The following PKNOX1 variants were observed in gnomAD, a reference collection of about 807,000 sequenced individuals.
The protein encoded by PKNOX1 is homeobox protein PKNOX1.
Under a neutral mutation model 51.9 loss-of-function variants are expected in PKNOX1, and 15 were observed. That is an observed-to-expected ratio of 0.29 (90% CI 0.19 to 0.45). The LOEUF (loss-of-function observed/expected upper bound fraction) is 0.45. Among genes scored for constraint, PKNOX1 ranks in the 20% least tolerant of loss-of-function variants. PKNOX1 has a pLI of 1.00. For missense variants in PKNOX1, 462 were observed against 547.5 expected (o/e 0.84, Z 1.56); for synonymous variants, 219 against 211.1 (o/e 1.04, Z -0.32).
At position 43,029,946 on chromosome 21, in the gene PKNOX1, C is replaced by T. The variant is rs1395280811; in HGVS notation, c.1156C>T (p.Leu386=). 3.1e-6 allele frequency: 5 copies of T among 1,614,092 alleles called. No individual in the cohort carries two copies. The South Asian group carries it at 5.5e-5, about 18-fold the overall frequency. The change falls in exon 11 of 11, where the codon CTG becomes TTG. Residue 386 remains leucine (L), a synonymous_variant. Transcript: ENST00000291547. ...VNMNVDSLQS[L]SSDGATLAVQ... is the part of the protein sequence containing the mutation. ...CATGAACGTGGACAGCCTTCAGTCTCTGTCCTCGGACGGGGCCACCCTGGC... is the reference window on the plus strand; with the variant it reads ...CATGAACGTGGACAGCCTTCAGTCTTTGTCCTCGGACGGGGCCACCCTGGC...
chr21:43,025,117 C>T (rs1191890234), intron 9 of PKNOX1, among the ~76,000 whole-genome samples, 170 bp downstream of exon 9: 1 of 152,134 alleles, frequency 6.6e-6, no homozygotes, highest in Non-Finnish European at 1.5e-5. Flanking sequence ...GAACTCCTGG[C>T]CTCAAGTGAT....
At chr21:43,001,022 G>T (rs1978729371) in intron 1 of PKNOX1, among the ~76,000 whole-genome samples, 2 of 152,200 alleles carry the variant, frequency 1.3e-5, no homozygotes. Flanking sequence ...GCACTGGGGT[G>T]CAGGGGAGCA....
intron 1 of PKNOX1, 51 bp downstream of exon 1, chr21:42,974,715 G>A: frequency 6.0e-6 from 1 of 166,042 alleles, no homozygotes; most frequent in Non-Finnish European, 1.2e-5. Context: ...TCTCGCCGCC[G>A]CCGTCCCTAT....
intron 9 of PKNOX1, among the ~76,000 whole-genome samples, chr21:43,025,178 C>T (rs1979936995): frequency 6.6e-6 from 1 of 152,204 alleles, no homozygotes; most frequent in Non-Finnish European, 1.5e-5. Flanking sequence ...TGAGTCACTG[C>T]ACCCGACTAA....
At chr21:42,998,315 C>T (rs1239266309) in intron 1 of PKNOX1, among the ~76,000 whole-genome samples, 1 of 152,110 alleles carries the variant, frequency 6.6e-6, no homozygotes, top group Non-Finnish European at 1.5e-5. Flanking sequence ...CATGATTCAA[C>T]TACCTCCCAC....
chr21:42,990,573 G>A (rs555409627), intron 1 of PKNOX1, among the ~76,000 whole-genome samples: 1 of 152,300 alleles, frequency 6.6e-6, no homozygotes, highest in East Asian at 1.9e-4. Context: ...ACTGATCATG[G>A]AACTCTAGGG....
At chr21:42,994,207 A>G (rs1231804000) in intron 1 of PKNOX1, among the ~76,000 whole-genome samples, 1 of 138,422 alleles carries the variant, frequency 7.2e-6, no homozygotes, top group East Asian at 2.2e-4. Context: ...TGCCCAGCTA[A>G]ATTTTTGGAT....
chr21:43,007,833 G>T (rs1386734078), intron 3 of PKNOX1: 1 of 444,776 alleles, frequency 2.2e-6, no homozygotes, highest in South Asian at 2.5e-5. Flanking sequence ...GGAGGCTGAG[G>T]CGGGCGGATC....
chr21:43,019,925 ATTTTTT>A (rs60174298), intron 7 of PKNOX1, among the ~76,000 whole-genome samples: 1 of 85,902 alleles, frequency 1.2e-5, no homozygotes. Context: ...AGGTGCTCTG[ATTTTTT>A]TTTTTTTTTT....
In PKNOX1 at chr21:43,029,912, G is replaced by T. The variant is rs533645525; in HGVS notation, c.1122G>T (p.Thr374=). The T allele has an allele frequency of 1.2e-6, 2 of 1,613,986 alleles. No homozygotes were observed. The highest frequency in any genetic ancestry group is 1.7e-6 in the Non-Finnish European group (2 of 1,179,892). ...MSEGAVVTIT[T]PVNMNVDSLQ... is the part of the protein sequence containing the mutation. ...CAGGAGCTGTTGTCACCATCACCAC[G>T]CCCGTGAACATGAACGTGGACAGCC... is the stretch of plus-strand genomic sequence containing the variant. Residue 374 remains threonine, a synonymous_variant, in exon 11 of 11, where the codon ACG becomes ACT. Coordinates refer to ENST00000291547, the MANE Select transcript of PKNOX1 (RefSeq NM_004571.5).
chr21:43,025,767 CATT>C (rs1210163240), intron 9 of PKNOX1, among the ~76,000 whole-genome samples: 1 of 152,154 alleles, frequency 6.6e-6, no homozygotes, highest in East Asian at 1.9e-4. Flanking sequence ...CAGTTGTAAA[CATT>C]ATTATCTTTA....
At chr21:43,019,420 C>A (rs2605310) in intron 7 of PKNOX1, among the ~76,000 whole-genome samples, 129,480 of 150,088 alleles carry the variant, frequency 0.86, 55,958 homozygotes, top group African/African-American at 0.92. Context: ...AAAAAAAAAA[C>A]ACACATTTTT....
At chr21:43,002,296 A>G (rs1243109769) in intron 1 of PKNOX1, among the ~76,000 whole-genome samples, 1 of 152,146 alleles carries the variant, frequency 6.6e-6, no homozygotes, top group Non-Finnish European at 1.5e-5. Context: ...CAAACTTAAA[A>G]TGTCCCAACA....
chr21:42,976,642 A>G (rs1200049879), intron 1 of PKNOX1, among the ~76,000 whole-genome samples: 1 of 152,252 alleles, frequency 6.6e-6, no homozygotes, highest in Non-Finnish European at 1.5e-5. Flanking sequence ...AATAAATTCC[A>G]TTTCAAGAAA....
chr21:43,030,207 G>T lies in PKNOX1; in HGVS notation c.*106G>T, dbSNP rs866438469. 1.1e-6 allele frequency: 1 copy of T among 872,776 alleles called. No individual in the cohort carries two copies. Among genetic ancestry groups the T allele is most frequent in the Non-Finnish European group, 1.7e-6 (1 of 581,912 alleles). The allele number at this position is 872,776 out of a possible 1,614,324, so 54.1% of individuals were successfully genotyped here. On this transcript the variant is annotated 3_prime_UTR_variant, in exon 11 of 11. Transcript: ENST00000291547. ...TGTAGATATAGAAGAGTGCACTTTT[G>T]TATTTCATAGTAAGCTTAAAGCGCG...
Position 42,994,102 on chromosome 21 carries a change from A to G in PKNOX1, c.-56-10224A>G, listed in dbSNP as rs376263884. 6.1e-5 allele frequency among the ~76,000 whole-genome samples: 8 copies of G among 130,718 alleles called. No individual in the cohort carries two copies. The South Asian group carries it at 1.0e-3, about 17-fold the overall frequency. The allele number at this position is 130,718 out of a possible 152,430, so 85.8% of individuals were successfully genotyped here. A position where few individuals can be genotyped will look rare whatever the true frequency, so the allele number is the denominator to read the frequency against. On this transcript the variant is annotated intron_variant, in intron 1 of 10. Transcript: ENST00000291547. The stretch of plus-strand genomic sequence containing the variant: ...GTCGCCCAGGCTGGAGTACAGTGGT[A>G]TGATCACGGCTCACTGCAGCCTCGA...
chr21:43,019,521 T>C (rs1043680190), intron 7 of PKNOX1, among the ~76,000 whole-genome samples: 3 of 152,220 alleles, frequency 2.0e-5, no homozygotes, highest in South Asian at 2.1e-4. Context: ...TTGAAAATCC[T>C]TTCTACCCAA....
In PKNOX1 at chr21:43,013,020, C is replaced by A. The variant is rs375876883; in HGVS notation, c.352-48C>A. On this transcript the variant is annotated intron_variant, in intron 4 of 10. Coordinates refer to ENST00000291547, the MANE Select transcript of PKNOX1 (RefSeq NM_004571.5). ...TGGTATGTAGGATCATGATAACTTA[C>A]AATAATGCCACCTTTTTCTCTGAAA... The A allele has an allele frequency of 8.5e-4, 1,253 of 1,482,446 alleles. 1 individual carries two copies. The highest frequency in any genetic ancestry group is 1.1e-3 in the Non-Finnish European group (1,217 of 1,088,452). 91.8% of individuals were successfully genotyped at this position (1,482,446 alleles called of 1,614,324 possible).
chr21:43,004,567 C>T (rs1978906904), intron 2 of PKNOX1, 135 bp downstream of exon 2: 5 of 585,704 alleles, frequency 8.5e-6, no homozygotes, highest in Admixed American at 5.8e-5. Context: ...ATTTATTGTA[C>T]ATTCGTGTTC....
Sources: allele counts gnomAD v4.1 joint callset (sites outside exome capture counted in the v4.1 genomes callset), GRCh38; gene constraint gnomAD v4.1.1; transcripts MANE v1.5; gene names NCBI Gene and HGNC (gene_info 2026-07-23, HGNC 2026-07-21).